COQ5: variants seen among roughly 807,000 people sequenced by gnomAD.
COQ5 encodes the protein 2-methoxy-6-polyprenyl-1,4-benzoquinol methylase, mitochondrial.
Under a neutral mutation model 40.5 loss-of-function variants are expected in COQ5, and 27 were observed. That is an observed-to-expected ratio of 0.67 (90% CI 0.49 to 0.92). The LOEUF (loss-of-function observed/expected upper bound fraction) is 0.92. COQ5 is among the 40% of genes least tolerant of loss of function. The pLI is 0.00. For missense variants in COQ5, 409 were observed against 406.4 expected (o/e 1.01, Z -0.06); for synonymous variants, 141 against 150.0 (o/e 0.94, Z 0.44).
chr12:120,513,394 G>T (rs1278012948), intron 3 of COQ5, among the ~76,000 whole-genome samples: 1 of 150,936 alleles, frequency 6.6e-6, no homozygotes, highest in African/African-American at 2.4e-5. Context: ...CCCAGCTGCT[G>T]CGGAGGCTGA....
intron 2 of COQ5, among the ~76,000 whole-genome samples, chr12:120,521,337 G>T (rs538107589): frequency 6.6e-6 from 1 of 151,982 alleles, no homozygotes; most frequent in Non-Finnish European, 1.5e-5. Context: ...AAAGTGCTGG[G>T]AGTACAGGTG....
At chr12:120,504,753 G>C (rs1399185207) in intron 5 of COQ5, 142 bp downstream of exon 5, 2 of 738,506 alleles carry the variant, frequency 2.7e-6, no homozygotes, top group East Asian at 5.4e-5. Flanking sequence ...TGTGGCCTAG[G>C]TATTGTCATT....
intron 3 of COQ5, among the ~76,000 whole-genome samples, chr12:120,514,338 G>T (rs1192577845): frequency 6.6e-6 from 1 of 152,072 alleles, no homozygotes; most frequent in African/African-American, 2.4e-5. Context: ...GGAGGAGAAG[G>T]AGAGAAATGC....
chr12:120,505,937 C>A (rs1030912819), intron 4 of COQ5, among the ~76,000 whole-genome samples: 7 of 151,920 alleles, frequency 4.6e-5, no homozygotes, highest in Non-Finnish European at 8.8e-5. Flanking sequence ...CTCACTGCAA[C>A]CTCCACCTCC....
intron 3 of COQ5, among the ~76,000 whole-genome samples, chr12:120,511,028 T>C (rs906972497): frequency 6.6e-6 from 1 of 152,142 alleles, no homozygotes; most frequent in Admixed American, 6.5e-5. Context: ...CCCAGCATTT[T>C]GGGAAGCTGA....
intron 1 of COQ5, among the ~76,000 whole-genome samples, chr12:120,524,958 C>G (rs537795755): frequency 2.6e-5 from 4 of 151,802 alleles, no homozygotes; most frequent in Non-Finnish European, 5.9e-5. Context: ...ACTACAGGCA[C>G]GTGCCACCAT....
At chr12:120,509,894 TG>T in intron 4 of COQ5, 122 bp downstream of exon 4, 1 of 756,694 alleles carries the variant, frequency 1.3e-6, no homozygotes, top group Non-Finnish European at 2.3e-6. Flanking sequence ...GAGACTAGCC[TG>T]GGCAACATAC....
rs777712942 is a variant in COQ5, at chr12:120,516,685, G to A, written c.456C>T (p.Ala152=). The change falls in exon 3 of 7, where the codon GCC becomes GCT. Residue 152 remains alanine, a synonymous_variant. Coordinates refer to ENST00000288532, the MANE Select transcript of COQ5 (RefSeq NM_032314.4). ...AATCTTCTTCATTCTGGTACTCTTT[G>A]GCAATTTCTTCCCAGGATAAATTTT... is the stretch of plus-strand genomic sequence containing the variant. ...AQQNLSWEEI[A]KEYQNEEDSL... is the part of the protein sequence containing the mutation. The A allele has an allele frequency of 5.0e-6, 8 of 1,614,012 alleles. No homozygotes were observed. The South Asian group carries it at 8.8e-5, about 18-fold the overall frequency.
At chr12:120,510,519 GCCCAGGCTGGT>G (rs1565929869) in intron 3 of COQ5, among the ~76,000 whole-genome samples, 1 of 152,036 alleles carries the variant, frequency 6.6e-6, no homozygotes, top group African/African-American at 2.4e-5. Flanking sequence ...TCGTCATCTT[GCCCAGGCTGGT>G]CTCAAACTCC....
At chr12:120,518,792 T>C (rs916389577) in intron 2 of COQ5, among the ~76,000 whole-genome samples, 4 of 152,104 alleles carry the variant, frequency 2.6e-5, no homozygotes, top group Non-Finnish European at 5.9e-5. Context: ...CTCAGACTCC[T>C]GACCTCGTGA....
At chr12:120,504,831 AT>A in intron 5 of COQ5, 63 bp downstream of exon 5, 1 of 1,369,888 alleles carries the variant, frequency 7.3e-7, no homozygotes, top group Non-Finnish European at 1.0e-6. Flanking sequence ...GCTATTTTCA[AT>A]CCATTTCGGG....
intron 2 of COQ5, among the ~76,000 whole-genome samples, chr12:120,518,710 G>A (rs984000417): frequency 3.9e-5 from 6 of 151,958 alleles, no homozygotes; most frequent in African/African-American, 7.2e-5. Flanking sequence ...GATTACAGGC[G>A]TGTGCTACCA....
In COQ5 at chr12:120,522,352, A is replaced by C; in HGVS notation, c.214T>G (p.Phe72Val). The C allele has an allele frequency of 6.2e-7, 1 of 1,613,666 alleles. No homozygotes were observed. The highest frequency in any genetic ancestry group is 8.5e-7 in the Non-Finnish European group (1 of 1,179,562). The change falls in exon 2 of 7, where the codon TTT (phenylalanine) becomes GTT (valine). Residue 72 changes from phenylalanine (F) to valine (V), a missense_variant. Physicochemically the swap from Phe to Val is conservative, Grantham distance 50 (BLOSUM62 -1). Coordinates refer to ENST00000288532, the MANE Select transcript of COQ5 (RefSeq NM_032314.4). ...TCATACTTCTTAGCCACACTTTCAA[A>C]CACCTGATAGACTGACATGGGAGAA... ...EEKGGKVYQV[F>V]ESVAKKYDVM... is the part of the protein sequence containing the mutation.
At chr12:120,518,156 C>T (rs548643641) in intron 2 of COQ5, among the ~76,000 whole-genome samples, 30 of 152,130 alleles carry the variant, frequency 2.0e-4, no homozygotes, top group Admixed American at 1.2e-3. Context: ...CGGTGGCTCA[C>T]GCCTGTGATC....
chr12:120,528,805 CAA>C (rs35915101), intron 1 of COQ5, 133 bp downstream of exon 1: 1,330 of 732,646 alleles, frequency 1.8e-3, no homozygotes, highest in Non-Finnish European at 2.1e-3. Flanking sequence ...ATTCTGTCTC[CAA>C]AAAAAAAAAA....
chr12:120,506,686 C>A (rs1311413103), intron 4 of COQ5, among the ~76,000 whole-genome samples: 1 of 151,850 alleles, frequency 6.6e-6, no homozygotes, highest in Non-Finnish European at 1.5e-5. Flanking sequence ...TATTATTCTG[C>A]CTCCCTATCA....
intron 4 of COQ5, among the ~76,000 whole-genome samples, chr12:120,506,397 C>T (rs922928582): frequency 2.0e-5 from 3 of 150,938 alleles, no homozygotes; most frequent in Admixed American, 6.6e-5. Context: ...GACAGAGTCT[C>T]GCTCTGTCAC....
At chr12:120,505,213 C>T (rs1593012768) in intron 4 of COQ5, among the ~76,000 whole-genome samples, 1 of 152,180 alleles carries the variant, frequency 6.6e-6, no homozygotes, top group Non-Finnish European at 1.5e-5. Context: ...GTAATCTAAA[C>T]TGACTACAGA....
intron 1 of COQ5, chr12:120,523,332 G>A (rs556882446): frequency 1.5e-4 from 49 of 316,256 alleles, no homozygotes; most frequent in East Asian, 1.8e-4. Flanking sequence ...GCGAGACTCC[G>A]TCTCAAAGAA....
Sources: gnomAD v4.1 joint callset for allele counts (sites outside exome capture counted in the v4.1 genomes callset) on GRCh38, gnomAD v4.1.1 for gene constraint, MANE v1.5 for transcripts, NCBI Gene and HGNC (gene_info 2026-07-23, HGNC 2026-07-21) for gene names.